The following NELL2 variants were observed in gnomAD, a reference collection of about 807,000 sequenced individuals.
The protein encoded by NELL2 is neural EGFL like 2.
In NELL2, 41 loss-of-function variants were observed where a neutral mutation model predicts 109.6. The ratio of observed to expected loss-of-function variants is 0.37; its 90% CI spans 0.29 to 0.49. NELL2 has a LOEUF of 0.49. Ranked by LOEUF, NELL2 falls within the 20% of genes least tolerant of loss-of-function variation. The pLI is 0.98. For missense variants in NELL2, 900 were observed against 1,008.3 expected, an observed-to-expected ratio of 0.89 and a Z score of 1.45; for synonymous variants, 355 against 344.7, an observed-to-expected ratio of 1.03 and a Z score of -0.33.
In NELL2 at chr12:44,519,446, C is replaced by T. The variant is rs578057221; in HGVS notation, c.2400+559G>A. Among the ~76,000 whole-genome samples the T allele has an allele frequency of 2.0e-5, 3 of 152,244 alleles. No homozygotes were observed. The East Asian group carries it at 5.8e-4, about 29-fold the overall frequency. ...TTCCAATGAGAATAAGGAGAAAGAG[C>T]TTTGTAATGGTTTTTCTCCAACTGT... On this transcript the variant is annotated intron_variant, in intron 19 of 19. Coordinates refer to ENST00000429094, the MANE Select transcript of NELL2 (RefSeq NM_001145108.2).
chr12:44,741,979 C>A (rs578242603), intron 9 of NELL2, among the ~76,000 whole-genome samples: 1 of 152,172 alleles, frequency 6.6e-6, no homozygotes, highest in Admixed American at 6.5e-5. Context: ...TCCCAGCACA[C>A]AGTTTGAGAT....
At chr12:44,697,274 G>A (rs1949092697) in intron 12 of NELL2, among the ~76,000 whole-genome samples, 1 of 152,178 alleles carries the variant, frequency 6.6e-6, no homozygotes. Context: ...GATGGCTGGA[G>A]CCTGACCGGG....
At chr12:44,853,004 G>A (rs965418713) in intron 2 of NELL2, among the ~76,000 whole-genome samples, 9 of 152,000 alleles carry the variant, frequency 5.9e-5, no homozygotes, top group African/African-American at 1.9e-4. Context: ...CAAGGTGAGT[G>A]GCAATAAATA....
chr12:44,627,429 CA>C (rs200944318), intron 13 of NELL2, among the ~76,000 whole-genome samples: 7,712 of 139,394 alleles, frequency 0.055, 232 homozygotes, highest in South Asian at 0.098. Flanking sequence ...GCAGATGTAC[CA>C]AAAAAAAAAA....
rs367877486 is a variant in NELL2 at position 44,522,164 on chromosome 12, T to C, written c.2011A>G (p.Met671Val). 2.5e-6 allele frequency: 4 copies of C among 1,613,250 alleles called. No homozygotes were observed. The African/African-American group carries it at 4.0e-5, about 16-fold the overall frequency. ...SVCSCQNGFV[M>V]CRRMVCDCEN... ...CAGTCACAGACCATCCGTCGACACA[T>C]AACGAATCCATTCTGTATGAAAAAG... The change falls in exon 18 of 20, where the codon ATG becomes GTG. Residue 671 changes from methionine (M) to valine (V), a missense_variant. Physicochemically the swap from Met to Val is conservative, Grantham distance 21 (BLOSUM62 1). Coordinates refer to ENST00000429094, the MANE Select transcript of NELL2 (RefSeq NM_001145108.2).
At position 44,665,513 on chromosome 12, in the gene NELL2, T is replaced by C. The variant is rs771847132; in HGVS notation, c.1415A>G (p.Tyr472Cys). ...ACATGAATAATCATCAATTCTGATG[T>C]ATCCAGTTTTGCAGATGCACATAAA... The part of the protein sequence containing the change: ...GSFMCICKTG[Y>C]IRIDDYSCTE... Residue 472 changes from tyrosine (Y) to cysteine (C), a missense_variant, in exon 13 of 20, where the codon TAC becomes TGC. Tyr to Cys is a radical substitution (Grantham distance 194). Around this residue, in one of 4 missense-constraint regions of NELL2, gnomAD observed 292 missense variants for 265.3 expected, o/e 1.10. Transcript: ENST00000429094. 1.4e-5 allele frequency: 22 copies of C among 1,613,322 alleles called. No individual in the cohort carries two copies. The highest frequency in any genetic ancestry group is 4.0e-5 in the African/African-American group (3 of 74,928).
At chr12:44,876,957 C>G, upstream of NELL2, 1 of 1,138,132 alleles carries the variant, frequency 8.8e-7, no homozygotes, top group Non-Finnish European at 1.1e-6. Context: ...GAGAGCTTCC[C>G]GGGCGCGGAG....
At chr12:44,729,536 T>C (rs990620599) in intron 9 of NELL2, among the ~76,000 whole-genome samples, 1 of 143,360 alleles carries the variant, frequency 7.0e-6, no homozygotes, top group African/African-American at 2.6e-5. Context: ...GATTAAACTG[T>C]CAAAAGACAG....
chr12:44,595,032 AATTT>A (rs1447976371), intron 15 of NELL2, among the ~76,000 whole-genome samples: 3 of 152,170 alleles, frequency 2.0e-5, no homozygotes, highest in African/African-American at 4.8e-5. Context: ...TGTTTTAATT[AATTT>A]ATTTTTGTTG....
At chr12:44,689,574 T>C (rs1256073036) in intron 12 of NELL2, among the ~76,000 whole-genome samples, 1 of 152,192 alleles carries the variant, frequency 6.6e-6, no homozygotes. Context: ...ACCCTTGGCA[T>C]AAGCCCTCAA....
chr12:44,650,945 C>T lies in NELL2; in HGVS notation c.1444+14539G>A, dbSNP rs1194651314. 3.9e-5 allele frequency among the ~76,000 whole-genome samples: 6 copies of T among 152,256 alleles called. No homozygotes were observed. The South Asian group carries it at 1.2e-3, about 32-fold the overall frequency. ...TAAAATAAATTTCTGTTATTTAAGC[C>T]GGGGGTCCCCAAGGCCTGGGCCGTG... On this transcript the variant is annotated intron_variant, in intron 13 of 19. Transcript: ENST00000429094.
intron 13 of NELL2, among the ~76,000 whole-genome samples, chr12:44,654,059 G>A (rs1176538547): frequency 1.3e-5 from 2 of 152,080 alleles, no homozygotes; most frequent in Non-Finnish European, 2.9e-5. Context: ...TTGGTGATGT[G>A]TGGCCATACC....
intron 13 of NELL2, among the ~76,000 whole-genome samples, chr12:44,641,257 C>A (rs534804745): frequency 6.6e-6 from 1 of 152,248 alleles, no homozygotes; most frequent in African/African-American, 2.4e-5. Flanking sequence ...GATCTAATTT[C>A]CTTGTCAGCT....
At chr12:44,783,995 C>T (rs1415397614) in intron 3 of NELL2, among the ~76,000 whole-genome samples, 1 of 151,880 alleles carries the variant, frequency 6.6e-6, no homozygotes, top group Admixed American at 6.6e-5. Context: ...GGGTTTATTC[C>T]AGGGATGCCA....
At chr12:44,572,661 T>A (rs1436373550) in intron 15 of NELL2, among the ~76,000 whole-genome samples, 1 of 152,106 alleles carries the variant, frequency 6.6e-6, no homozygotes, top group Admixed American at 6.6e-5. Context: ...AGAATATAAA[T>A]ATATAAGGAA....
chr12:44,829,922 C>T (rs1170240889), intron 2 of NELL2, among the ~76,000 whole-genome samples: 1 of 152,146 alleles, frequency 6.6e-6, no homozygotes, highest in African/African-American at 2.4e-5. Flanking sequence ...ACAAGGCTTT[C>T]TTTTATTTTC....
At chr12:44,713,177 TACACACACAC>T (rs35017907) in intron 10 of NELL2, among the ~76,000 whole-genome samples, 3,733 of 141,984 alleles carry the variant, frequency 0.026, 64 homozygotes, top group Non-Finnish European at 0.041. Flanking sequence ...ATGAATAGGA[TACACACACAC>T]ACACACACAC....
rs190063810 is a variant in NELL2, at chr12:44,749,132, C to T, written c.994+25615G>A. 1.8e-3 allele frequency among the ~76,000 whole-genome samples: 267 copies of T among 152,214 alleles called. 1 individual carries two copies. The highest frequency in any genetic ancestry group is 3.2e-3 in the Non-Finnish European group (220 of 68,000). On this transcript the variant is annotated intron_variant, in intron 9 of 19. Transcript: ENST00000429094. ...CAAGGGTTTGAATCAAAGATTGGCA[C>T]GTAATGACCCACTTGAAGCTGTCTA... is the stretch of plus-strand genomic sequence containing the variant.
chr12:44,919,078 T>A (rs927754406), upstream of NELL2, among the ~76,000 whole-genome samples: 1 of 152,204 alleles, frequency 6.6e-6, no homozygotes, highest in Non-Finnish European at 1.5e-5. Context: ...ACTGCCAGAT[T>A]TCTTCGAACG....
Sources: gnomAD v4.1 joint callset for allele counts (sites outside exome capture counted in the v4.1 genomes callset) on GRCh38, gnomAD v4.1.1 for gene constraint, gnomAD v4.1.1 regional missense constraint, MANE v1.5 for transcripts, NCBI Gene and HGNC (gene_info 2026-07-23, HGNC 2026-07-21) for gene names.